Variants in DYNC1H1 observed in about 807,000 individuals in gnomAD.
The protein encoded by DYNC1H1 is cytoplasmic dynein 1 heavy chain 1.
Under a neutral mutation model 527.1 loss-of-function variants are expected in DYNC1H1, and 51 were observed. The ratio of observed to expected loss-of-function variants is 0.10; its 90% CI spans 0.08 to 0.12. DYNC1H1 has a LOEUF of 0.12. DYNC1H1 is among the 10% of genes least tolerant of loss of function. The pLI is 1.00. For missense variants in DYNC1H1, 2,771 were observed against 5,971.8 expected (o/e 0.46, Z 17.66); for synonymous variants, 2,189 against 2,278.8 (o/e 0.96, Z 1.12).
intron 11 of DYNC1H1, among the ~76,000 whole-genome samples, chr14:101,992,092 G>T (rs748687187): frequency 3.3e-5 from 5 of 151,990 alleles, no homozygotes; most frequent in Non-Finnish European, 7.4e-5. Flanking sequence ...TTATCTTGAA[G>T]CAAATCTCAG....
intron 11 of DYNC1H1, among the ~76,000 whole-genome samples, chr14:101,993,741 C>G (rs1437695104): frequency 6.6e-6 from 1 of 152,174 alleles, no homozygotes; most frequent in African/African-American, 2.4e-5. Flanking sequence ...CCCACACTCC[C>G]TCTCCTTCTC....
chr14:101,990,531 A>T (rs1567000870), intron 10 of DYNC1H1, among the ~76,000 whole-genome samples: 2 of 152,212 alleles, frequency 1.3e-5, no homozygotes, highest in African/African-American at 4.8e-5. Flanking sequence ...ATTGTAGTTC[A>T]GACTGAAGTA....
At chr14:102,031,092 C>T (rs772320173) in intron 51 of DYNC1H1, among the ~76,000 whole-genome samples, 6 of 152,220 alleles carry the variant, frequency 3.9e-5, no homozygotes, top group Non-Finnish European at 7.3e-5. Flanking sequence ...AAATGCACCA[C>T]TCAACCTATA....
At chr14:101,969,132 C>T (rs764335392) in intron 1 of DYNC1H1, among the ~76,000 whole-genome samples, 180 of 152,140 alleles carry the variant, frequency 1.2e-3, no homozygotes, top group Middle Eastern at 3.4e-3. Flanking sequence ...ATTCTCCTGC[C>T]TGAGCCTCCC....
In DYNC1H1 at chr14:101,985,705, C is replaced by G; in HGVS notation, c.1480C>G (p.Gln494Glu). 6.2e-7 allele frequency: 1 copy of G among 1,614,208 alleles called. No individual in the cohort carries two copies. The highest frequency in any genetic ancestry group is 8.5e-7 in the Non-Finnish European group (1 of 1,180,038). ...CCTTTAGGTCACGGCAGTTGCACAA[C>G]AGAATCAAGGAGAGGTCCCTGAACC... ...LRPQVTAVAQ[Q>E]NQGEVPEPQD... Residue 494 changes from glutamine to glutamate, a missense_variant, in exon 8 of 78, where the codon CAG becomes GAG. Gln to Glu is a conservative substitution (Grantham distance 29). Around this residue, in one of 32 missense-constraint regions of DYNC1H1, gnomAD observed 264 missense variants for 619.4 expected, o/e 0.43. Coordinates refer to ENST00000360184, the MANE Select transcript of DYNC1H1 (RefSeq NM_001376.5). The surrounding 1 kb of genome is among the most constrained non-coding windows in gnomAD (Gnocchi z 5.9).
At position 102,012,188 on chromosome 14, in the gene DYNC1H1, T is replaced by TA. The variant is rs2048265805; in HGVS notation, c.6857+76dup. 1 of 1,610,666 alleles carries TA rather than the reference T, an allele frequency of 6.2e-7. No homozygotes were observed. Among genetic ancestry groups the TA allele is most frequent in the Non-Finnish European group, 8.5e-7 (1 of 1,177,224 alleles). ...GTACTTTGCTCTCACAAGAGCAGAG[T>TA]ATACGTTATTTTTCAACCAAAGTCT... On this transcript the variant is annotated intron_variant, in intron 33 of 77. Transcript: ENST00000360184. This position sits in a 1 kb window ranked among gnomAD's most constrained non-coding sequence, Gnocchi z 4.9.
Position 102,036,463 on chromosome 14 carries a change from C to G in DYNC1H1, c.10755-26C>G, listed in dbSNP as rs1350596701. 6.2e-7 allele frequency: 1 copy of G among 1,612,772 alleles called. No individual in the cohort carries two copies. The highest frequency in any genetic ancestry group is 1.7e-5 in the Admixed American group (1 of 60,006). On this transcript the variant is annotated intron_variant, in intron 56 of 77. Transcript: ENST00000360184. This position sits in a 1 kb window ranked among gnomAD's most constrained non-coding sequence, Gnocchi z 5.6. ...TGCTTTCCCCATTCGGTGTTTCAAC[C>G]TTCTCTTCTGTGGCCTCATCCTCAG...
intron 34 of DYNC1H1, among the ~76,000 whole-genome samples, chr14:102,013,025 G>A (rs1029969312): frequency 1.1e-4 from 16 of 152,038 alleles, no homozygotes; most frequent in Non-Finnish European, 1.9e-4. Context: ...CGAGGCAGGC[G>A]GATCACAAAG....
In DYNC1H1 at chr14:102,041,843, C is replaced by T; in HGVS notation, c.12102+109C>T. On this transcript the variant is annotated intron_variant, in intron 65 of 77. Transcript: ENST00000360184. The surrounding 1 kb of genome is among the most constrained non-coding windows in gnomAD (Gnocchi z 4.5). ...CTCTCACTCCGGGCTACAGTCTCCTCCTAAGACCAGGAACTCGCTGCAGAT... is the reference window on the plus strand; with the variant it reads ...CTCTCACTCCGGGCTACAGTCTCCTTCTAAGACCAGGAACTCGCTGCAGAT... 1.3e-6 allele frequency: 2 copies of T among 1,569,424 alleles called. No homozygotes were observed. The highest frequency in any genetic ancestry group is 2.7e-5 in the African/African-American group (2 of 73,940).
At position 102,029,071 on chromosome 14, in the gene DYNC1H1, C is replaced by T. The variant is rs944513992; in HGVS notation, c.9469-468C>T. ...GCTTGTAGGTGTCCTGCTGCCCAGC[C>T]CCTGCAGGCCATCTCCATTGCCCTT... On this transcript the variant is annotated intron_variant, in intron 48 of 77. Coordinates refer to ENST00000360184, the MANE Select transcript of DYNC1H1 (RefSeq NM_001376.5). This position sits in a 1 kb window ranked among gnomAD's most constrained non-coding sequence, Gnocchi z 5.3. The T allele has an allele frequency of 3.8e-4, 80 of 208,136 alleles. No individual in the cohort carries two copies. Among genetic ancestry groups the T allele is most frequent in the African/African-American group, 1.7e-3 (74 of 42,866 alleles). The allele number at this position is 208,136 out of a possible 1,614,324, so 12.9% of individuals were successfully genotyped here. A position where few individuals can be genotyped will look rare whatever the true frequency, so the allele number is the denominator to read the frequency against.
chr14:102,000,181 C>T (rs978387296), intron 17 of DYNC1H1, 37 bp downstream of exon 17: 6 of 1,613,988 alleles, frequency 3.7e-6, no homozygotes, highest in African/African-American at 2.7e-5. Context: ...GAATCCCGCT[C>T]CCCACCCGGA....
rs1595616980 is a variant in DYNC1H1, at chr14:102,015,632, T to C, written c.7243-224T>C. ...TCATTATCTTACTTTTCTCTACAAA[T>C]TGATGAAAGACTGCCCTTTTCCATG... On this transcript the variant is annotated intron_variant, in intron 35 of 77. Transcript: ENST00000360184. The surrounding 1 kb of genome is among the most constrained non-coding windows in gnomAD (Gnocchi z 6.9). 6.6e-6 allele frequency among the ~76,000 whole-genome samples: 1 copy of C among 152,334 alleles called. No individual in the cohort carries two copies. Among genetic ancestry groups the C allele is most frequent in the Non-Finnish European group, 1.5e-5 (1 of 68,026 alleles).
chr14:102,049,723 G>A lies in DYNC1H1; in HGVS notation c.13525G>A (p.Val4509Met), dbSNP rs2048778554. ...CTGCTGCTTTCCACAGAACATCCAC[G>A]TGTGCCTGGGTGGCCTGTTCGTGCC... ...GGAKELKNIH[V>M]CLGGLFVPEA... Residue 4509 changes from valine to methionine, a missense_variant, in exon 76 of 78, where the codon GTG (valine) becomes ATG (methionine). Around this residue, in one of 32 missense-constraint regions of DYNC1H1, gnomAD observed 170 missense variants for 249.8 expected, o/e 0.68. Transcript: ENST00000360184. The surrounding 1 kb of genome is among the most constrained non-coding windows in gnomAD (Gnocchi z 5.5). 4 of 1,613,896 alleles carry A rather than the reference G, an allele frequency of 2.5e-6. No homozygotes were observed. The highest frequency in any genetic ancestry group is 3.4e-6 in the Non-Finnish European group (4 of 1,180,018).
chr14:101,987,732 T>C, intron 9 of DYNC1H1, 100 bp downstream of exon 9: 1 of 1,363,456 alleles, frequency 7.3e-7, no homozygotes, highest in South Asian at 1.2e-5. Flanking sequence ...CCTTGGAAAT[T>C]ATCTGTGATA....
intron 34 of DYNC1H1, among the ~76,000 whole-genome samples, chr14:102,013,884 C>T (rs914738309): frequency 2.0e-5 from 3 of 152,018 alleles, no homozygotes; most frequent in African/African-American, 7.3e-5. Flanking sequence ...TTAAAGCATG[C>T]GTGGGATTTG....
chr14:102,036,442 T>C lies in DYNC1H1; in HGVS notation c.10755-47T>C. The C allele has an allele frequency of 6.2e-7, 1 of 1,610,814 alleles. No individual in the cohort carries two copies. Among genetic ancestry groups the C allele is most frequent in the African/African-American group, 1.3e-5 (1 of 74,962 alleles). ...ACTCGGCTAACCGTGATCCTGTGCTTTCCCCATTCGGTGTTTCAACCTTCT... is the reference window on the plus strand; with the variant it reads ...ACTCGGCTAACCGTGATCCTGTGCTCTCCCCATTCGGTGTTTCAACCTTCT... On this transcript the variant is annotated intron_variant, in intron 56 of 77. Transcript: ENST00000360184. The surrounding 1 kb of genome is among the most constrained non-coding windows in gnomAD (Gnocchi z 5.6).
At position 102,044,078 on chromosome 14, in the gene DYNC1H1, A is replaced by G; in HGVS notation, c.12684+33A>G. 1 of 1,611,652 alleles carries G rather than the reference A, an allele frequency of 6.2e-7. No individual in the cohort carries two copies. Among genetic ancestry groups the G allele is most frequent in the East Asian group, 2.2e-5 (1 of 44,876 alleles). ...TGGGCCATGCCAGGACAGACAGTGG[A>G]CGTGTATCTGGGAAGGATGCTGCAG... On this transcript the variant is annotated intron_variant, in intron 70 of 77. Coordinates refer to ENST00000360184, the MANE Select transcript of DYNC1H1 (RefSeq NM_001376.5). The surrounding 1 kb of genome is among the most constrained non-coding windows in gnomAD (Gnocchi z 7.1).
intron 48 of DYNC1H1, chr14:102,028,507 C>G (rs2048475761): frequency 5.8e-6 from 2 of 345,850 alleles, no homozygotes; most frequent in Non-Finnish European, 1.1e-5. Flanking sequence ...AGAGCAAGAC[C>G]CAGACTCAAA....
intron 72 of DYNC1H1, among the ~76,000 whole-genome samples, chr14:102,046,117 G>A (rs900761103): frequency 1.3e-5 from 2 of 151,466 alleles, no homozygotes; most frequent in Admixed American, 6.6e-5. Flanking sequence ...GCAGTGAGCC[G>A]AGATGGCACC....
Sources: gnomAD v4.1 joint callset for allele counts (sites outside exome capture counted in the v4.1 genomes callset) on GRCh38, gnomAD v4.1.1 for gene constraint, gnomAD v4.1.1 regional missense constraint, Gnocchi (gnomAD v3.1) non-coding constraint, MANE v1.5 for transcripts, NCBI Gene and HGNC (gene_info 2026-07-23, HGNC 2026-07-21) for gene names.